SNTG2: variants seen among roughly 807,000 people sequenced by gnomAD.
SNTG2 encodes gamma-2-syntrophin.
Under a neutral mutation model 70.9 loss-of-function variants are expected in SNTG2, and 74 were observed. That is an observed-to-expected ratio of 1.04 (90% CI 0.86 to 1.27). SNTG2 has a LOEUF of 1.27. Ranked by LOEUF, SNTG2 falls within the 50% of genes most tolerant of loss-of-function variation. The pLI is 0.00. For synonymous variants in SNTG2, 278 were observed against 273.8 expected (o/e 1.02, Z -0.15); for missense variants, 717 against 690.7 (o/e 1.04, Z -0.43).
chr2:1,122,087 C>T (rs1667412757), intron 4 of SNTG2, among the ~76,000 whole-genome samples: 1 of 151,932 alleles, frequency 6.6e-6, no homozygotes, highest in Non-Finnish European at 1.5e-5. Context: ...CTGACCAAAA[C>T]CAAATAGGGA....
intron 16 of SNTG2, among the ~76,000 whole-genome samples, chr2:1,355,473 T>A (rs1161953896): frequency 1.3e-5 from 2 of 152,248 alleles, no homozygotes; most frequent in African/African-American, 2.4e-5. Context: ...CTTATGTCAC[T>A]TATCACCGTG....
At chr2:1,112,694 T>C (rs968257371) in intron 4 of SNTG2, among the ~76,000 whole-genome samples, 2 of 151,506 alleles carry the variant, frequency 1.3e-5, no homozygotes, top group African/African-American at 4.9e-5. Flanking sequence ...TCATGTGTAC[T>C]AAGTGAGGGT....
In SNTG2 at chr2:1,027,001, C is replaced by T. The variant is rs552799342; in HGVS notation, c.73-56517C>T. The stretch of plus-strand genomic sequence containing the variant: ...CACAGTAACTTGGCTCAGCCTCCAT[C>T]GTGCTACCCTTGCTCCCTTGTGTGA... On this transcript the variant is annotated intron_variant, in intron 1 of 16. Transcript: ENST00000308624. 3.3e-5 allele frequency among the ~76,000 whole-genome samples: 5 copies of T among 152,314 alleles called. No homozygotes were observed. The East Asian group carries it at 7.7e-4, about 24-fold the overall frequency.
At chr2:1,241,409 T>C (rs549362922) in intron 11 of SNTG2, among the ~76,000 whole-genome samples, 1 of 152,350 alleles carries the variant, frequency 6.6e-6, no homozygotes, top group East Asian at 1.9e-4. Flanking sequence ...TTTGTAGCTA[T>C]ACTGGAATTA....
intron 1 of SNTG2, among the ~76,000 whole-genome samples, chr2:1,028,052 T>G (rs1290810722): frequency 6.6e-6 from 1 of 151,196 alleles, no homozygotes. Flanking sequence ...AGTAAAGAGA[T>G]AAGCAGGTGC....
At chr2:1,074,039 T>C (rs1185429925) in intron 1 of SNTG2, among the ~76,000 whole-genome samples, 2 of 152,208 alleles carry the variant, frequency 1.3e-5, no homozygotes, top group African/African-American at 2.4e-5. Context: ...AATATTGATA[T>C]GTGGGTTCAA....
intron 16 of SNTG2, among the ~76,000 whole-genome samples, chr2:1,362,504 GCTGAGCA>G (rs1319738695): frequency 6.6e-6 from 1 of 151,396 alleles, no homozygotes; most frequent in Non-Finnish European, 1.5e-5. Flanking sequence ...GGTCACCGAC[GCTGAGCA>G]TTTCAGTAGA....
At chr2:1,090,410 C>T (rs955761808) in intron 2 of SNTG2, among the ~76,000 whole-genome samples, 4 of 152,184 alleles carry the variant, frequency 2.6e-5, no homozygotes, top group African/African-American at 4.8e-5. Context: ...AATCCACAAC[C>T]GTCTGCAGCA....
chr2:1,277,473 G>A (rs1679315333), intron 14 of SNTG2, among the ~76,000 whole-genome samples: 1 of 152,212 alleles, frequency 6.6e-6, no homozygotes, highest in Non-Finnish European at 1.5e-5. Flanking sequence ...AAATTAAGGT[G>A]TGTATATTAC....
intron 8 of SNTG2, among the ~76,000 whole-genome samples, chr2:1,180,190 T>A: frequency 1.6e-5 from 2 of 121,944 alleles, no homozygotes; most frequent in African/African-American, 3.0e-5. Context: ...CCAAAAGCAA[T>A]GGCAACAAAA....
intron 14 of SNTG2, among the ~76,000 whole-genome samples, chr2:1,268,018 G>A (rs1678840827): frequency 6.6e-6 from 1 of 152,198 alleles, no homozygotes; most frequent in South Asian, 2.1e-4. Context: ...ATGGTCCGAA[G>A]GAGAATATAA....
At chr2:1,203,788 A>G (rs1673456635) in intron 8 of SNTG2, among the ~76,000 whole-genome samples, 1 of 151,926 alleles carries the variant, frequency 6.6e-6, no homozygotes, top group South Asian at 2.1e-4. Context: ...CTTCAACAAC[A>G]TATTAACAAA....
intron 8 of SNTG2, among the ~76,000 whole-genome samples, chr2:1,204,514 C>T (rs1040865486): frequency 1.3e-5 from 2 of 152,182 alleles, no homozygotes; most frequent in Admixed American, 6.5e-5. Flanking sequence ...TGAAATATTA[C>T]ATGGAAAATT....
chr2:992,783 C>T (rs944613166), intron 1 of SNTG2, among the ~76,000 whole-genome samples: 1 of 152,166 alleles, frequency 6.6e-6, no homozygotes, highest in African/African-American at 2.4e-5. Flanking sequence ...AATCTTTATT[C>T]CCAAAGCTGT....
chr2:1,157,465 G>A (rs1414418609), intron 6 of SNTG2, among the ~76,000 whole-genome samples: 1 of 152,228 alleles, frequency 6.6e-6, no homozygotes. Flanking sequence ...AGACAGGAGG[G>A]ACGGTGTCCA....
At chr2:1,355,340 G>A (rs1660792480) in intron 16 of SNTG2, among the ~76,000 whole-genome samples, 1 of 152,130 alleles carries the variant, frequency 6.6e-6, no homozygotes, top group Non-Finnish European at 1.5e-5. Flanking sequence ...CCGTGGAACG[G>A]CAACTCCCGT....
intron 4 of SNTG2, among the ~76,000 whole-genome samples, chr2:1,134,690 G>C (rs1316041995): frequency 6.6e-6 from 1 of 152,226 alleles, no homozygotes; most frequent in African/African-American, 2.4e-5. Context: ...CGGGGCTGCA[G>C]GTGGAGCCGC....
chr2:1,229,779 T>C (rs28766338), intron 9 of SNTG2, among the ~76,000 whole-genome samples: 48,250 of 152,150 alleles, frequency 0.32, 9,118 homozygotes, highest in African/African-American at 0.53. Context: ...AGAAATTGAG[T>C]GCAGCGCCGG....
At chr2:1,158,428 C>G (rs1312705427) in intron 6 of SNTG2, 2 of 152,200 alleles carry the variant, frequency 1.3e-5, no homozygotes, top group Non-Finnish European at 2.9e-5. Flanking sequence ...GGAGGAGATG[C>G]AGAGGAGACT....
Sources: allele counts gnomAD v4.1 joint callset (sites outside exome capture counted in the v4.1 genomes callset), GRCh38; gene constraint gnomAD v4.1.1; transcripts MANE v1.5; gene names NCBI Gene and HGNC (gene_info 2026-07-23, HGNC 2026-07-21).